Variants in PTPN14 observed in about 807,000 individuals in gnomAD.
The protein encoded by PTPN14 is tyrosine-protein phosphatase non-receptor type 14.
PTPN14 carries 53 observed loss-of-function variants against 126.8 expected under a neutral mutation model. The observed-to-expected ratio is 0.42, with a 90% CI of 0.34 to 0.53. The LOEUF is 0.53. Ranked by LOEUF, PTPN14 falls within the 20% of genes least tolerant of loss-of-function variation. The pLI, the probability that PTPN14 is intolerant of heterozygous loss-of-function variation, is 0.08. For synonymous variants in PTPN14, 630 were observed against 599.3 expected, an observed-to-expected ratio of 1.05 and a Z score of -0.75; for missense variants, 1,257 against 1,552.9, an observed-to-expected ratio of 0.81 and a Z score of 3.20.
Position 214,402,962 on chromosome 1 carries a change from A to G in PTPN14, c.511-9T>C, listed in dbSNP as rs761282015. On this transcript the variant is annotated splice_polypyrimidine_tract_variant and intron_variant, in intron 5 of 18. Transcript: ENST00000366956. The stretch of plus-strand genomic sequence containing the variant: ...TCTTCCAGGGCCAAATCCTATAAGA[A>G]TAGAAAGTGCTTAAGGTCACATGAG... 3 of 1,613,734 alleles carry G rather than the reference A, an allele frequency of 1.9e-6. No individual in the cohort carries two copies. Among genetic ancestry groups the G allele is most frequent in the South Asian group, 2.2e-5 (2 of 91,066 alleles).
intron 1 of PTPN14, among the ~76,000 whole-genome samples, chr1:214,511,878 T>C (rs1390275242): frequency 6.6e-6 from 1 of 152,230 alleles, no homozygotes; most frequent in Admixed American, 6.5e-5. Context: ...GAGGATATTA[T>C]GCTGAGTGGA....
At chr1:214,548,232 T>G (rs1333750311) in intron 1 of PTPN14, among the ~76,000 whole-genome samples, 1 of 152,162 alleles carries the variant, frequency 6.6e-6, no homozygotes, top group Non-Finnish European at 1.5e-5. Flanking sequence ...CCTAGCTATA[T>G]TTCAAACTCC....
chr1:214,470,060 G>T (rs894431415), intron 1 of PTPN14, among the ~76,000 whole-genome samples: 2 of 152,118 alleles, frequency 1.3e-5, no homozygotes, highest in African/African-American at 4.8e-5. Context: ...GCCAAAGTGG[G>T]AGGGTCACTT....
intron 16 of PTPN14, among the ~76,000 whole-genome samples, chr1:214,371,119 T>C (rs1253843205): frequency 6.6e-6 from 1 of 152,188 alleles, no homozygotes; most frequent in African/African-American, 2.4e-5. Context: ...CACAGATTAC[T>C]AGATGCTACT....
At chr1:214,427,420 G>T (rs190481971) in intron 3 of PTPN14, among the ~76,000 whole-genome samples, 1 of 151,778 alleles carries the variant, frequency 6.6e-6, no homozygotes, top group Non-Finnish European at 1.5e-5. Context: ...TTAGTATAAT[G>T]ATTTCTTATC....
At chr1:214,412,655 C>T (rs1343785241) in intron 4 of PTPN14, among the ~76,000 whole-genome samples, 1 of 152,074 alleles carries the variant, frequency 6.6e-6, no homozygotes, top group East Asian at 1.9e-4. Flanking sequence ...TCTAAAAATG[C>T]AATAAGCGTT....
intron 1 of PTPN14, among the ~76,000 whole-genome samples, chr1:214,536,162 G>C (rs112849871): frequency 6.6e-6 from 1 of 150,696 alleles, no homozygotes; most frequent in Non-Finnish European, 1.5e-5. Flanking sequence ...GGCCAAGGCC[G>C]GGGTGGGGTG....
At chr1:214,397,721 G>A (rs1191371430) in intron 8 of PTPN14, among the ~76,000 whole-genome samples, 192 bp downstream of exon 8, 1 of 152,142 alleles carries the variant, frequency 6.6e-6, no homozygotes, top group Non-Finnish European at 1.5e-5. Flanking sequence ...GGAATCAGGT[G>A]GGATGGGTTT....
In PTPN14 at chr1:214,354,471, C is replaced by T. The variant is rs967717936; in HGVS notation, c.*3451G>A. The T allele has an allele frequency of 6.6e-6, 1 of 152,190 alleles. No homozygotes were observed. Among genetic ancestry groups the T allele is most frequent in the South Asian group, 2.1e-4 (1 of 4,828 alleles). The allele number at this position is 152,190 out of a possible 1,614,324, so 9.4% of individuals were successfully genotyped here. ...AAGTGCATACCAATGTCTATGCTAT[C>T]TGTAAATGCTACCAGATACTCTTGC... On this transcript the variant is annotated 3_prime_UTR_variant, in exon 19 of 19. Transcript: ENST00000366956.
rs534390438 is a variant in PTPN14, at chr1:214,383,038, G to C, written c.2544+273C>G. Among the ~76,000 whole-genome samples the C allele has an allele frequency of 4.6e-5, 7 of 152,310 alleles. No homozygotes were observed. The South Asian group carries it at 1.4e-3, about 32-fold the overall frequency. The stretch of plus-strand genomic sequence containing the variant: ...TTCCCCAATACCAGCTTACCCAATT[G>C]GAAGTCTGAGCTTTGAATAAACAGC... On this transcript the variant is annotated intron_variant, in intron 13 of 18. Transcript: ENST00000366956. This position sits in a 1 kb window ranked among gnomAD's most constrained non-coding sequence, Gnocchi z 4.4.
chr1:214,440,825 G>A (rs1660022623), intron 3 of PTPN14, among the ~76,000 whole-genome samples: 1 of 152,174 alleles, frequency 6.6e-6, no homozygotes, highest in South Asian at 2.1e-4. Context: ...TAACTCCCTA[G>A]GGAGTGGAGA....
chr1:214,444,103 T>C (rs1363431027), intron 3 of PTPN14, among the ~76,000 whole-genome samples: 1 of 152,108 alleles, frequency 6.6e-6, no homozygotes, highest in Non-Finnish European at 1.5e-5. Context: ...ACAATGCAAA[T>C]GACAATCAAC....
intron 13 of PTPN14, among the ~76,000 whole-genome samples, chr1:214,382,347 G>A: frequency 6.6e-6 from 1 of 151,972 alleles, no homozygotes; most frequent in East Asian, 1.9e-4. Flanking sequence ...AAAGCGATGA[G>A]GTTTAGTCCT....
At chr1:214,396,971 T>G (rs1658893718) in intron 8 of PTPN14, among the ~76,000 whole-genome samples, 1 of 152,192 alleles carries the variant, frequency 6.6e-6, no homozygotes, top group Non-Finnish European at 1.5e-5. Context: ...GTCAAAAAAT[T>G]TATTCTATAG....
chr1:214,452,570 T>A (rs1309770750), intron 2 of PTPN14, among the ~76,000 whole-genome samples: 1 of 152,202 alleles, frequency 6.6e-6, no homozygotes, highest in East Asian at 1.9e-4. Flanking sequence ...TATCAAGCTT[T>A]GAGAGAGGAA....
At chr1:214,399,772 AT>A (rs1462985558) in intron 7 of PTPN14, among the ~76,000 whole-genome samples, 1 of 152,138 alleles carries the variant, frequency 6.6e-6, no homozygotes, top group African/African-American at 2.4e-5. Flanking sequence ...AGGTCCTCTA[AT>A]TCTTTTATCT....
At chr1:214,497,913 C>CGA (rs1347527538) in intron 1 of PTPN14, among the ~76,000 whole-genome samples, 1 of 151,302 alleles carries the variant, frequency 6.6e-6, no homozygotes, top group Non-Finnish European at 1.5e-5. Flanking sequence ...GAAACACACA[C>CGA]GAGAGAGAGA....
At chr1:214,541,238 A>G (rs943851990) in intron 1 of PTPN14, among the ~76,000 whole-genome samples, 2 of 152,216 alleles carry the variant, frequency 1.3e-5, no homozygotes, top group Admixed American at 6.5e-5. Context: ...AGATTATGTG[A>G]TCAGATGTAA....
chr1:214,393,889 A>T (rs1658817472), intron 9 of PTPN14, 112 bp from the exon 10 acceptor site: 1 of 812,540 alleles, frequency 1.2e-6, no homozygotes, highest in African/African-American at 1.7e-5. Context: ...CATCTCAAGC[A>T]CAAAATAATA....
Sources: gnomAD v4.1 joint callset for allele counts (sites outside exome capture counted in the v4.1 genomes callset) on GRCh38, gnomAD v4.1.1 for gene constraint, Gnocchi (gnomAD v3.1) non-coding constraint, MANE v1.5 for transcripts, NCBI Gene and HGNC (gene_info 2026-07-23, HGNC 2026-07-21) for gene names.